BBS9: variants seen among roughly 807,000 people sequenced by gnomAD.
BBS9 encodes the protein Bardet-Biedl syndrome 9, also known as protein PTHB1.
Under a neutral mutation model 117.7 loss-of-function variants are expected in BBS9, and 89 were observed. The ratio of observed to expected loss-of-function variants is 0.76; its 90% CI spans 0.64 to 0.90. The LOEUF is 0.90. BBS9 is among the 40% of genes least tolerant of loss of function. BBS9 has a pLI of 0.00. For synonymous variants in BBS9, 379 were observed against 370.9 expected (o/e 1.02, Z -0.25); for missense variants, 982 against 1,042.2 (o/e 0.94, Z 0.80).
At chr7:33,154,898 A>G (rs1231524243) in intron 3 of BBS9, among the ~76,000 whole-genome samples, 1 of 152,246 alleles carries the variant, frequency 6.6e-6, no homozygotes, top group Non-Finnish European at 1.5e-5. Context: ...GCCCAGAACC[A>G]AGTAATAGCC....
At chr7:33,315,041 TG>T (rs1461831677) in intron 9 of BBS9, among the ~76,000 whole-genome samples, 1 of 152,204 alleles carries the variant, frequency 6.6e-6, no homozygotes, top group African/African-American at 2.4e-5. Flanking sequence ...GGGTTAATTT[TG>T]GGCTGGACTT....
At chr7:33,635,251 A>T (rs1300477972) in exon 22 of BBS9, among the ~76,000 whole-genome samples, 1 of 152,166 alleles carries the variant, frequency 6.6e-6, no homozygotes, top group Non-Finnish European at 1.5e-5. Context: ...TCTCCAGCTG[A>T]TGGAGGGACC....
chr7:33,381,571 C>G (rs1383983994), intron 17 of BBS9, among the ~76,000 whole-genome samples: 1 of 152,092 alleles, frequency 6.6e-6, no homozygotes, highest in Non-Finnish European at 1.5e-5. Context: ...CTCTCTACCC[C>G]TGCCCCGCCA....
intron 19 of BBS9, among the ~76,000 whole-genome samples, chr7:33,442,155 G>A (rs974099889): frequency 5.9e-5 from 9 of 152,156 alleles, no homozygotes; most frequent in Admixed American, 5.9e-4. Context: ...GCCTCCCAAA[G>A]TGCTGGGATT....
chr7:33,497,715 G>A (rs1436746827), intron 19 of BBS9, among the ~76,000 whole-genome samples: 1 of 152,120 alleles, frequency 6.6e-6, no homozygotes, highest in African/African-American at 2.4e-5. Context: ...GAAATCCAAC[G>A]TTGAGTAACT....
intron 9 of BBS9, among the ~76,000 whole-genome samples, chr7:33,315,160 G>A (rs1391132025): frequency 2.0e-5 from 3 of 152,086 alleles, no homozygotes; most frequent in African/African-American, 4.8e-5. Context: ...ATTCTCTCAC[G>A]GTTCTGGAGG....
intron 21 of BBS9, among the ~76,000 whole-genome samples, chr7:33,594,426 C>T (rs557318516): frequency 1.2e-4 from 1 of 8,070 alleles, no homozygotes; most frequent in South Asian, 0.013. Context: ...TCAATGTGGT[C>T]AGCATTGTTT....
At chr7:33,230,513 C>A (rs1163498522) in intron 5 of BBS9, among the ~76,000 whole-genome samples, 1 of 151,954 alleles carries the variant, frequency 6.6e-6, no homozygotes, top group East Asian at 1.9e-4. Context: ...TTTAGTGTAC[C>A]CTTTACCCAA....
intron 19 of BBS9, among the ~76,000 whole-genome samples, chr7:33,438,963 G>A (rs2128892705): frequency 6.6e-6 from 1 of 152,278 alleles, no homozygotes; most frequent in African/African-American, 2.4e-5. Flanking sequence ...GGTACCCACA[G>A]GATTTTTATC....
chr7:33,197,771 A>T (rs942333767), intron 5 of BBS9, among the ~76,000 whole-genome samples: 1 of 152,022 alleles, frequency 6.6e-6, no homozygotes, highest in African/African-American at 2.4e-5. Flanking sequence ...TAAGTATCAT[A>T]CAAGTGTAAA....
chr7:33,130,982 A>G (rs1175271325), intron 1 of BBS9, among the ~76,000 whole-genome samples: 1 of 152,192 alleles, frequency 6.6e-6, no homozygotes, highest in Admixed American at 6.5e-5. Context: ...CTTTTGAGGG[A>G]TGTAGTAAGT....
chr7:33,563,491 G>A (rs1258677068), intron 21 of BBS9, among the ~76,000 whole-genome samples: 1 of 152,174 alleles, frequency 6.6e-6, no homozygotes, highest in East Asian at 1.9e-4. Context: ...ATTCTGATCC[G>A]AAATAAGGAC....
At chr7:33,248,298 T>G (rs913973022) in intron 5 of BBS9, among the ~76,000 whole-genome samples, 1 of 152,222 alleles carries the variant, frequency 6.6e-6, no homozygotes, top group Non-Finnish European at 1.5e-5. Flanking sequence ...ATGTATTTAT[T>G]TATGCCTAAG....
intron 9 of BBS9, among the ~76,000 whole-genome samples, chr7:33,326,675 A>G (rs963015720): frequency 4.0e-5 from 6 of 151,834 alleles, no homozygotes; most frequent in African/African-American, 1.5e-4. Flanking sequence ...TCAGGGCCCA[A>G]GGGCTCTTTA....
chr7:33,503,245 C>T (rs1270417739), intron 19 of BBS9, among the ~76,000 whole-genome samples: 3 of 152,080 alleles, frequency 2.0e-5, no homozygotes, highest in Non-Finnish European at 4.4e-5. Context: ...AGTTCAGGCC[C>T]GTCAAAGCTC....
chr7:33,478,848 CAGG>C (rs1242750953), intron 19 of BBS9, among the ~76,000 whole-genome samples: 1 of 146,946 alleles, frequency 6.8e-6, no homozygotes, highest in Non-Finnish European at 1.5e-5. Flanking sequence ...CCCAAATAGG[CAGG>C]AGAAGTAAAT....
chr7:33,255,385 C>T lies in BBS9; in HGVS notation c.443-1851C>T, dbSNP rs1463704083. ...TTTTGCATGTGGATATCCAGTTTTC[C>T]CAGCACCACTTATTGAAGAGACTGT... On this transcript the variant is annotated intron_variant, in intron 5 of 22. Transcript: ENST00000242067. Among the ~76,000 whole-genome samples the T allele has an allele frequency of 2.2e-5, 3 of 136,944 alleles. No homozygotes were observed. The East Asian group carries it at 6.3e-4, about 29-fold the overall frequency. The allele number at this position is 136,944 out of a possible 152,430, so 89.8% of individuals were successfully genotyped here.
At chr7:33,212,608 T>A (rs996607471) in intron 5 of BBS9, among the ~76,000 whole-genome samples, 1 of 152,152 alleles carries the variant, frequency 6.6e-6, no homozygotes, top group African/African-American at 2.4e-5. Context: ...TTAATGCTTG[T>A]AGATGTTTGT....
At chr7:33,214,091 C>A (rs1021363527) in intron 5 of BBS9, among the ~76,000 whole-genome samples, 2 of 152,166 alleles carry the variant, frequency 1.3e-5, no homozygotes, top group South Asian at 4.1e-4. Context: ...AACTGCTTTT[C>A]ATGTGTACCT....
Sources: gnomAD v4.1 joint callset for allele counts (sites outside exome capture counted in the v4.1 genomes callset) on GRCh38, gnomAD v4.1.1 for gene constraint, MANE v1.5 for transcripts, NCBI Gene and HGNC (gene_info 2026-07-23, HGNC 2026-07-21) for gene names.